Variants in RIT2 observed in about 807,000 individuals in gnomAD.
The protein encoded by RIT2 is GTP-binding protein Rit2.
In RIT2, 24 loss-of-function variants were observed where a neutral mutation model predicts 23.7. That is an observed-to-expected ratio of 1.01 (90% CI 0.73 to 1.43). The LOEUF (loss-of-function observed/expected upper bound fraction) is 1.43. RIT2 is among the 40% of genes most tolerant of loss of function. The pLI is 0.00. For missense variants in RIT2, 236 were observed against 266.9 expected, an observed-to-expected ratio of 0.88 and a Z score of 0.81; for synonymous variants, 107 against 91.1, an observed-to-expected ratio of 1.17 and a Z score of -0.99.
At chr18:42,816,656 T>C (rs1281853888) in intron 4 of RIT2, among the ~76,000 whole-genome samples, 1 of 152,128 alleles carries the variant, frequency 6.6e-6, no homozygotes, top group African/African-American at 2.4e-5. Context: ...TAACACAATG[T>C]AAACAGCAAG....
At chr18:43,019,356 T>C (rs1467730372) in intron 2 of RIT2, among the ~76,000 whole-genome samples, 1 of 152,042 alleles carries the variant, frequency 6.6e-6, no homozygotes, top group African/African-American at 2.4e-5. Context: ...GTGGCATTTA[T>C]TCCAGAGATT....
chr18:42,846,968 G>A (rs1482701711), intron 4 of RIT2, among the ~76,000 whole-genome samples: 1 of 152,086 alleles, frequency 6.6e-6, no homozygotes, highest in African/African-American at 2.4e-5. Context: ...TTTCACTCTG[G>A]TATAACCTAT....
At chr18:42,856,977 C>T (rs573325521) in intron 4 of RIT2, among the ~76,000 whole-genome samples, 48 of 151,878 alleles carry the variant, frequency 3.2e-4, no homozygotes, top group African/African-American at 1.1e-3. Context: ...CACAGGCACC[C>T]GCCACCACGC....
intron 4 of RIT2, among the ~76,000 whole-genome samples, chr18:42,808,958 C>T (rs961947084): frequency 4.6e-5 from 7 of 152,084 alleles, no homozygotes; most frequent in African/African-American, 7.2e-5. Flanking sequence ...TTTCTAGCAA[C>T]GTTAAAATAA....
chr18:42,835,975 T>C (rs1216293738), intron 4 of RIT2, among the ~76,000 whole-genome samples: 1 of 152,214 alleles, frequency 6.6e-6, no homozygotes, highest in African/African-American at 2.4e-5. Flanking sequence ...TTCAGTTTTC[T>C]ACTTTGGAAA....
chr18:43,071,873 T>C (rs1912904675), intron 1 of RIT2, among the ~76,000 whole-genome samples: 1 of 150,604 alleles, frequency 6.6e-6, no homozygotes, highest in African/African-American at 2.4e-5. Context: ...ACTGGAAGCA[T>C]ACTATACCTT....
intron 4 of RIT2, among the ~76,000 whole-genome samples, chr18:42,890,143 T>G (rs997636260): frequency 6.6e-6 from 1 of 151,986 alleles, no homozygotes; most frequent in Non-Finnish European, 1.5e-5. Flanking sequence ...ACTTGAGTGG[T>G]CTTGATTTAT....
chr18:42,875,278 C>T (rs1289836300), intron 4 of RIT2, among the ~76,000 whole-genome samples: 1 of 150,870 alleles, frequency 6.6e-6, no homozygotes, highest in East Asian at 1.9e-4. Context: ...CTTTACCCCT[C>T]GGGCAAGTTA....
chr18:42,775,622 G>T (rs1435773219), intron 4 of RIT2, among the ~76,000 whole-genome samples: 2 of 151,926 alleles, frequency 1.3e-5, no homozygotes, highest in South Asian at 4.2e-4. Context: ...GCGTGAACCC[G>T]GGAGGCGGAG....
intron 1 of RIT2, 69 bp downstream of exon 1, chr18:43,115,348 T>A: frequency 6.3e-7 from 1 of 1,580,366 alleles, no homozygotes; most frequent in Non-Finnish European, 8.6e-7. Context: ...CAATATCATT[T>A]TTCTTTCACT....
chr18:43,049,678 G>A (rs2144307237), intron 1 of RIT2, among the ~76,000 whole-genome samples: 1 of 152,240 alleles, frequency 6.6e-6, no homozygotes, highest in East Asian at 1.9e-4. Flanking sequence ...AGGACATCCT[G>A]AATCTTGAAT....
At chr18:42,785,015 TA>T (rs1377474654) in intron 4 of RIT2, among the ~76,000 whole-genome samples, 1 of 152,108 alleles carries the variant, frequency 6.6e-6, no homozygotes, top group Non-Finnish European at 1.5e-5. Context: ...TATTTAATTT[TA>T]AAATGTAGTT....
chr18:42,791,537 G>A (rs1380342154), intron 4 of RIT2, among the ~76,000 whole-genome samples: 1 of 152,096 alleles, frequency 6.6e-6, no homozygotes, highest in South Asian at 2.1e-4. Context: ...CCGCTGACCT[G>A]TTTCATTATT....
intron 4 of RIT2, among the ~76,000 whole-genome samples, chr18:42,822,901 A>G (rs1906191837): frequency 6.6e-6 from 1 of 152,150 alleles, no homozygotes; most frequent in South Asian, 2.1e-4. Flanking sequence ...AACAACTACA[A>G]TAAAGTTGGC....
intron 3 of RIT2, among the ~76,000 whole-genome samples, chr18:42,926,835 A>G (rs1384138300): frequency 6.6e-6 from 1 of 152,002 alleles, no homozygotes; most frequent in Non-Finnish European, 1.5e-5. Flanking sequence ...AACTGAATGT[A>G]TGCTCAAGAG....
At chr18:42,931,628 C>G (rs1338189533) in intron 3 of RIT2, among the ~76,000 whole-genome samples, 2 of 152,066 alleles carry the variant, frequency 1.3e-5, no homozygotes, top group Non-Finnish European at 2.9e-5. Context: ...GGGTACAAAT[C>G]CACTAAAAGA....
chr18:42,796,680 A>T (rs1012883425), intron 4 of RIT2, among the ~76,000 whole-genome samples: 1 of 152,152 alleles, frequency 6.6e-6, no homozygotes, highest in African/African-American at 2.4e-5. Context: ...TTGTATTTGG[A>T]ATTGAGCCCA....
intron 3 of RIT2, among the ~76,000 whole-genome samples, chr18:42,934,931 A>G (rs1909414778): frequency 6.6e-6 from 1 of 152,166 alleles, no homozygotes; most frequent in African/African-American, 2.4e-5. Context: ...AAACAAAATG[A>G]TGGTAACAGT....
chr18:43,022,941 T>G (rs1259706803), intron 2 of RIT2, among the ~76,000 whole-genome samples: 1 of 152,088 alleles, frequency 6.6e-6, no homozygotes, highest in Non-Finnish European at 1.5e-5. Context: ...GAGTGTTTTT[T>G]CGATTTTTCT....
Sources: gnomAD v4.1 joint callset for allele counts (sites outside exome capture counted in the v4.1 genomes callset) on GRCh38, gnomAD v4.1.1 for gene constraint, MANE v1.5 for transcripts, NCBI Gene and HGNC (gene_info 2026-07-23, HGNC 2026-07-21) for gene names.